Variants in MGLL observed in about 807,000 individuals in gnomAD.
MGLL encodes monoglyceride lipase, also known as lysophospholipase homolog.
MGLL carries 7 observed loss-of-function variants against 29.1 expected under a neutral mutation model. That is an observed-to-expected ratio of 0.24 (90% confidence interval 0.14 to 0.45). MGLL has a LOEUF of 0.45. Ranked by LOEUF, MGLL falls within the 20% of genes least tolerant of loss-of-function variation. MGLL has a pLI of 0.99. For missense variants in MGLL, 356 were observed against 413.6 expected (o/e 0.86, Z 1.21); for synonymous variants, 148 against 168.3 (o/e 0.88, Z 0.93).
intron 3 of MGLL, among the ~76,000 whole-genome samples, chr3:127,743,716 C>G (rs1025817236): frequency 1.3e-5 from 2 of 152,230 alleles, no homozygotes; most frequent in Non-Finnish European, 2.9e-5. Context: ...CCTTCCCTCT[C>G]CAGGGCAAGG....
chr3:127,784,713 T>G (rs560373716), intron 2 of MGLL, among the ~76,000 whole-genome samples: 2 of 152,256 alleles, frequency 1.3e-5, no homozygotes, highest in East Asian at 3.9e-4. Flanking sequence ...CAGCTTCTAT[T>G]GTGGTAAGTG....
intron 6 of MGLL, among the ~76,000 whole-genome samples, chr3:127,698,941 G>A (rs554617374): frequency 4.3e-4 from 66 of 152,360 alleles, no homozygotes; most frequent in Non-Finnish European, 7.1e-4. Flanking sequence ...ATGGCAGCTG[G>A]AAGCAGGAGC....
chr3:127,728,175 A>T (rs2076081694), intron 3 of MGLL, among the ~76,000 whole-genome samples: 1 of 152,232 alleles, frequency 6.6e-6, no homozygotes, highest in African/African-American at 2.4e-5. Context: ...TAAAAAATTC[A>T]TCCAGTGAAG....
chr3:127,742,421 C>G (rs1231617061), intron 3 of MGLL, among the ~76,000 whole-genome samples: 1 of 151,926 alleles, frequency 6.6e-6, no homozygotes, highest in Non-Finnish European at 1.5e-5. Flanking sequence ...GAAACCCCAT[C>G]TCTACTAAAA....
intron 2 of MGLL, among the ~76,000 whole-genome samples, chr3:127,817,173 C>T (rs1363898722): frequency 6.6e-6 from 1 of 152,202 alleles, no homozygotes; most frequent in Non-Finnish European, 1.5e-5. Context: ...GCTTATGTTC[C>T]AGAAGGTCTC....
At chr3:127,694,951 A>G (rs1472243640) in intron 7 of MGLL, 24 bp downstream of exon 7, 5 of 1,608,550 alleles carry the variant, frequency 3.1e-6, no homozygotes. Context: ...CTTGGGGGGA[A>G]GTGGGCAAGT....
At chr3:127,773,738 TGTC>T (rs1285814497) in intron 3 of MGLL, among the ~76,000 whole-genome samples, 2 of 152,304 alleles carry the variant, frequency 1.3e-5, no homozygotes, top group East Asian at 3.9e-4. Context: ...TAGAGGGAGA[TGTC>T]GTTACAAGGA....
At chr3:127,746,784 C>T (rs2076453622) in intron 3 of MGLL, among the ~76,000 whole-genome samples, 1 of 152,188 alleles carries the variant, frequency 6.6e-6, no homozygotes, top group Admixed American at 6.5e-5. Context: ...CCTGGCCTTC[C>T]AGCCCTTCTC....
intron 2 of MGLL, among the ~76,000 whole-genome samples, chr3:127,810,834 A>T (rs1411555299): frequency 1.3e-5 from 2 of 151,438 alleles, no homozygotes; most frequent in Non-Finnish European, 1.5e-5. Context: ...CCATTCCCCC[A>T]CCCAATCAAA....
chr3:127,767,015 T>C lies in MGLL; in HGVS notation c.262+14774A>G, dbSNP rs548449685. Among the ~76,000 whole-genome samples the C allele has an allele frequency of 5.3e-5, 8 of 152,020 alleles. No individual in the cohort carries two copies. In the South Asian group the frequency reaches 1.7e-3, roughly 31 times the overall value. On this transcript the variant is annotated intron_variant, in intron 3 of 7. Coordinates refer to ENST00000265052, the MANE Select transcript of MGLL (RefSeq NM_007283.7). ...GAACCTGGGAGGCAGAGATTGCAGG[T>C]AGGGCCGAGATTGCACCACTGCACT...
At chr3:127,794,215 C>T (rs535383872) in intron 2 of MGLL, among the ~76,000 whole-genome samples, 6 of 152,096 alleles carry the variant, frequency 3.9e-5, no homozygotes, top group Admixed American at 2.0e-4. Context: ...GAGGCTGAGG[C>T]GAGAGAATTG....
chr3:127,735,761 C>A (rs749522430), intron 3 of MGLL: 1 of 1,598,358 alleles, frequency 6.3e-7, no homozygotes, highest in Non-Finnish European at 8.5e-7. Flanking sequence ...CCATTCCCTC[C>A]CTTTGTATGG....
intron 2 of MGLL, among the ~76,000 whole-genome samples, chr3:127,788,615 C>T (rs141411703): frequency 6.6e-6 from 1 of 152,138 alleles, no homozygotes; most frequent in Admixed American, 6.5e-5. Context: ...CTCCACACCC[C>T]CTCTGTCTAT....
intron 6 of MGLL, among the ~76,000 whole-genome samples, chr3:127,699,683 G>A (rs1363190344): frequency 6.6e-6 from 1 of 152,202 alleles, no homozygotes; most frequent in Non-Finnish European, 1.5e-5. Context: ...GTCTCGAGAG[G>A]AGAAGGTGAA....
intron 2 of MGLL, among the ~76,000 whole-genome samples, chr3:127,807,857 G>A (rs534565891): frequency 1.6e-3 from 220 of 139,446 alleles, no homozygotes; most frequent in African/African-American, 5.6e-3. Flanking sequence ...CGCCTCCTGG[G>A]TTCACGCCAT....
chr3:127,710,921 T>A lies in MGLL; in HGVS notation c.511-256A>T, dbSNP rs1194777621. 1.2e-5 allele frequency: 6 copies of A among 517,716 alleles called. No homozygotes were observed. The East Asian group carries it at 2.2e-4, about 19-fold the overall frequency. 32.1% of individuals were successfully genotyped at this position (517,716 alleles called of 1,614,324 possible). On this transcript the variant is annotated intron_variant, in intron 5 of 7. Transcript: ENST00000265052. ...GCTGCGCCCAAGGTGGGAAGTCACGTCTGAATTTTGCCCGCTCTATACCCT... is the reference window on the plus strand; with the variant it reads ...GCTGCGCCCAAGGTGGGAAGTCACGACTGAATTTTGCCCGCTCTATACCCT...
chr3:127,713,064 C>T (rs370309225), intron 5 of MGLL: 12 of 152,456 alleles, frequency 7.9e-5, no homozygotes, highest in Non-Finnish European at 1.5e-4. Context: ...TAGCGCTCTC[C>T]TCCAGCAGCA....
intron 5 of MGLL, chr3:127,710,915 G>A: frequency 3.8e-6 from 2 of 527,310 alleles, no homozygotes; most frequent in South Asian, 4.0e-5. Flanking sequence ...AAGGTGGGAA[G>A]TCACGTCTGA....
chr3:127,710,182 G>A (rs1318238910), intron 6 of MGLL, among the ~76,000 whole-genome samples: 1 of 152,218 alleles, frequency 6.6e-6, no homozygotes, highest in Non-Finnish European at 1.5e-5. Flanking sequence ...GGAGATGAAA[G>A]CTGGGAAGAG....
Sources: gnomAD v4.1 joint callset for allele counts (sites outside exome capture counted in the v4.1 genomes callset) on GRCh38, gnomAD v4.1.1 for gene constraint, MANE v1.5 for transcripts, NCBI Gene and HGNC (gene_info 2026-07-23, HGNC 2026-07-21) for gene names.